The following COL3A1 variants were observed in gnomAD, a reference collection of about 807,000 sequenced individuals.
The protein encoded by COL3A1 is collagen alpha-1(III) chain.
COL3A1 carries 46 observed loss-of-function variants against 200.9 expected under a neutral mutation model. The ratio of observed to expected loss-of-function variants is 0.23; its 90% CI spans 0.18 to 0.29. COL3A1 has a LOEUF of 0.29. Ranked by LOEUF, COL3A1 falls within the 10% of genes least tolerant of loss-of-function variation. COL3A1 has a pLI of 1.00. For synonymous variants in COL3A1, 650 were observed against 628.0 expected (o/e 1.03, Z -0.52); for missense variants, 1,367 against 1,917.6 (o/e 0.71, Z 5.36).
intron 1 of COL3A1, 141 bp downstream of exon 1, chr2:188,974,709 A>AC: frequency 1.4e-6 from 1 of 711,236 alleles, no homozygotes; most frequent in South Asian, 1.6e-5. Flanking sequence ...CGTTGAACTG[A>AC]CCATGGCTGT....
chr2:189,008,760 G>A (rs527464065), intron 47 of COL3A1, 164 bp from the exon 48 acceptor site: 487 of 683,060 alleles, frequency 7.1e-4, no homozygotes, highest in African/African-American at 5.8e-3. Context: ...ATTATAAATC[G>A]GTGATCACGT....
rs1576472923 is a variant in COL3A1 at position 189,008,076 on chromosome 2, C to T, written c.3459C>T (p.Thr1153=). The T allele has an allele frequency of 6.2e-7, 1 of 1,614,006 alleles. No homozygotes were observed. The highest frequency in any genetic ancestry group is 8.5e-7 in the Non-Finnish European group (1 of 1,179,944). The change falls in exon 47 of 51, where the codon ACC becomes ACT. Residue 1153 remains threonine (T), a synonymous_variant. Transcript: ENST00000304636. ...GPSGPPGKDG[T]SGHPGPIGPP... is the part of the protein sequence containing the mutation. The stretch of plus-strand genomic sequence containing the variant: ...GTGGACCTCCTGGCAAAGATGGAAC[C>T]AGTGGACATCCAGGTCCCATTGGAC...
intron 1 of COL3A1, among the ~76,000 whole-genome samples, chr2:188,976,848 C>G (rs1253227003): frequency 6.6e-6 from 1 of 152,114 alleles, no homozygotes; most frequent in East Asian, 1.9e-4. Context: ...GTTTTAAGTA[C>G]AAAGATGCGT....
chr2:189,001,660 T>C, intron 34 of COL3A1, 71 bp downstream of exon 34: 1 of 1,557,646 alleles, frequency 6.4e-7, no homozygotes, highest in Non-Finnish European at 8.9e-7. Context: ...GCTTCCCTTT[T>C]TGGCAGTTTT....
rs1228913751 is a variant in COL3A1 at position 189,006,967 on chromosome 2, C to G, written c.3232C>G (p.Pro1078Ala). The G allele has an allele frequency of 6.2e-7, 1 of 1,612,976 alleles. No individual in the cohort carries two copies. Among genetic ancestry groups the G allele is most frequent in the Non-Finnish European group, 8.5e-7 (1 of 1,179,748 alleles). The change falls in exon 44 of 51, where the codon CCT becomes GCT. Residue 1078 changes from proline to alanine, a missense_variant. Around this residue, in one of 5 missense-constraint regions of COL3A1, gnomAD observed 846 missense variants for 1,147.9 expected, o/e 0.74. Transcript: ENST00000304636. ...GPAGPAGAPGPAGSRGAPGPQ... is the reference protein window; with the variant it reads ...GPAGPAGAPGAAGSRGAPGPQ... Reference sequence around the variant, plus strand: ...TGCTGGCCCTGCTGGTGCTCCCGGTCCTGCTGGTTCCCGAGGTGCTCCTGT... The same window carrying G: ...TGCTGGCCCTGCTGGTGCTCCCGGTGCTGCTGGTTCCCGAGGTGCTCCTGT...
intron 41 of COL3A1, 99 bp from the exon 42 acceptor site, chr2:189,006,107 A>C (rs2153503698): frequency 7.8e-7 from 1 of 1,279,128 alleles, no homozygotes; most frequent in East Asian, 2.4e-5. Context: ...ACCAATTTTA[A>C]CCCCCTTGAG....
At chr2:189,007,439 T>A in intron 44 of COL3A1, 61 bp from the exon 45 acceptor site, 1 of 1,262,742 alleles carries the variant, frequency 7.9e-7, no homozygotes, top group Non-Finnish European at 1.1e-6. Context: ...TTATAAATTC[T>A]ATTTTATTTT....
intron 9 of COL3A1, 47 bp from the exon 10 acceptor site, chr2:188,990,260 G>A (rs41272821): frequency 1.3e-6 from 2 of 1,588,918 alleles, no homozygotes; most frequent in Non-Finnish European, 8.6e-7. Context: ...ACTAGATTGT[G>A]ATTCTATTTG....
rs751611463 is a variant in COL3A1 at position 188,991,094 on chromosome 2, T to C, written c.852+37T>C. On this transcript the variant is annotated intron_variant, in intron 11 of 50. Coordinates refer to ENST00000304636, the MANE Select transcript of COL3A1 (RefSeq NM_000090.4). The stretch of plus-strand genomic sequence containing the variant: ...CAAAAATCATATTTTCATAAGTAAA[T>C]TCATTAAATATTAAAGCTACATATA... The C allele has an allele frequency of 3.8e-6, 6 of 1,586,228 alleles. No individual in the cohort carries two copies. The South Asian group carries it at 5.6e-5, about 15-fold the overall frequency.
At chr2:188,987,446 T>C (rs533776418) in intron 5 of COL3A1, among the ~76,000 whole-genome samples, 10 of 152,200 alleles carry the variant, frequency 6.6e-5, no homozygotes, top group African/African-American at 2.4e-4. Context: ...TTTTATAAAT[T>C]TACTATCAGT....
At chr2:188,998,126 T>A in intron 27 of COL3A1, 140 bp from the exon 28 acceptor site, 2 of 750,544 alleles carry the variant, frequency 2.7e-6, no homozygotes, top group Non-Finnish European at 4.6e-6. Flanking sequence ...TCACTGGATT[T>A]TGAGTGGCAC....
Position 189,003,721 on chromosome 2 carries a change from T to C in COL3A1, c.2608-13T>C. ...CTACTTTTGAAATTCAAAAATATATTACCATTTCACAGGGTGCTGCTGGCT... is the reference window on the plus strand; with the variant it reads ...CTACTTTTGAAATTCAAAAATATATCACCATTTCACAGGGTGCTGCTGGCT... On this transcript the variant is annotated splice_polypyrimidine_tract_variant and intron_variant, in intron 37 of 50. Coordinates refer to ENST00000304636, the MANE Select transcript of COL3A1 (RefSeq NM_000090.4). 1.2e-6 allele frequency: 2 copies of C among 1,613,910 alleles called. No individual in the cohort carries two copies. Among genetic ancestry groups the C allele is most frequent in the Non-Finnish European group, 1.7e-6 (2 of 1,179,842 alleles).
chr2:189,011,154 T>C (rs565300882), intron 50 of COL3A1, among the ~76,000 whole-genome samples: 2 of 152,352 alleles, frequency 1.3e-5, no homozygotes, highest in South Asian at 4.1e-4. Context: ...ATAATTGGGA[T>C]AGTTACTATA....
At chr2:188,992,028 A>T (rs1431205866) in intron 13 of COL3A1, among the ~76,000 whole-genome samples, 156 bp from the exon 14 acceptor site, 1 of 152,230 alleles carries the variant, frequency 6.6e-6, no homozygotes, top group African/African-American at 2.4e-5. Context: ...ATATATCAGA[A>T]TTGTAATAAT....
chr2:188,997,842 C>T, intron 27 of COL3A1, 89 bp downstream of exon 27: 14 of 1,162,638 alleles, frequency 1.2e-5, no homozygotes, highest in Non-Finnish European at 1.7e-5. Flanking sequence ...TGAAGCTTAA[C>T]TTGTGATTCT....
In COL3A1 at chr2:189,007,881, C is replaced by T. The variant is rs1310461523; in HGVS notation, c.3364-4C>T. The T allele has an allele frequency of 6.2e-7, 1 of 1,613,912 alleles. No homozygotes were observed. Among genetic ancestry groups the T allele is most frequent in the East Asian group, 2.2e-5 (1 of 44,886 alleles). On this transcript the variant is annotated splice_region_variant and splice_polypyrimidine_tract_variant and intron_variant, in intron 45 of 50. Coordinates refer to ENST00000304636, the MANE Select transcript of COL3A1 (RefSeq NM_000090.4). ...ACTCCTATGTACACTTCCTTTCTTTCCAGGGCCCTGCTGGTCAGCAGGGTG... is the reference window on the plus strand; with the variant it reads ...ACTCCTATGTACACTTCCTTTCTTTTCAGGGCCCTGCTGGTCAGCAGGGTG...
intron 23 of COL3A1, 28 bp downstream of exon 23, chr2:188,996,206 A>T (rs1486740062): frequency 6.2e-7 from 1 of 1,601,260 alleles, no homozygotes; most frequent in Non-Finnish European, 8.6e-7. Context: ...ATCTCATTTT[A>T]AAAGGCCAGT....
At chr2:188,986,119 T>C (rs1242773865) in intron 4 of COL3A1, among the ~76,000 whole-genome samples, 3 of 152,052 alleles carry the variant, frequency 2.0e-5, no homozygotes, top group East Asian at 1.9e-4. Context: ...ACTGTATCCA[T>C]ACTTTATTCT....
intron 40 of COL3A1, 130 bp from the exon 41 acceptor site, chr2:189,005,220 G>C (rs1688559338): frequency 3.4e-6 from 3 of 892,744 alleles, no homozygotes; most frequent in Non-Finnish European, 5.3e-6. Context: ...AGCAGGCATA[G>C]TTTTAATTTT....
Sources: allele counts gnomAD v4.1 joint callset (sites outside exome capture counted in the v4.1 genomes callset), GRCh38; gene constraint gnomAD v4.1.1; regional missense constraint gnomAD v4.1.1; transcripts MANE v1.5; gene names NCBI Gene and HGNC (gene_info 2026-07-23, HGNC 2026-07-21).